The following MPPED2 variants were observed in gnomAD, a reference collection of about 807,000 sequenced individuals.
MPPED2 encodes the protein metallophosphoesterase MPPED2.
MPPED2 carries 5 observed loss-of-function variants against 33.0 expected under a neutral mutation model. The observed-to-expected ratio is 0.15, with a 90% confidence interval of 0.08 to 0.32. The LOEUF is 0.32. Among genes scored for constraint, MPPED2 ranks in the 10% least tolerant of loss-of-function variants. The pLI is 1.00. For missense variants in MPPED2, 275 were observed against 372.1 expected (o/e 0.74, Z 2.15); for synonymous variants, 136 against 141.9 (o/e 0.96, Z 0.29).
Position 30,402,596 on chromosome 11 carries a change from C to A in MPPED2, c.766+11632G>T, listed in dbSNP as rs139627723. 2.9e-3 allele frequency among the ~76,000 whole-genome samples: 440 copies of A among 152,310 alleles called. 1 individual carries two copies. The highest frequency in any genetic ancestry group is 7.0e-3 in the South Asian group (34 of 4,826). ...TAGTGATCAAAAGATGTACAGAAGT[C>A]ATACATATTGACCTGGGAAATCTAA... is the stretch of plus-strand genomic sequence containing the variant. On this transcript the variant is annotated intron_variant, in intron 6 of 6. Coordinates refer to the MPPED2 transcript ENST00000448418.
chr11:30,441,923 C>T (rs118118507), intron 4 of MPPED2, among the ~76,000 whole-genome samples: 1 of 152,270 alleles, frequency 6.6e-6, no homozygotes, highest in African/African-American at 2.4e-5. Context: ...AAGTTCCATG[C>T]GGCAGAACCC....
chr11:30,449,992 CT>C (rs1333535540), intron 4 of MPPED2, among the ~76,000 whole-genome samples: 2 of 152,112 alleles, frequency 1.3e-5, no homozygotes, highest in Non-Finnish European at 2.9e-5. Flanking sequence ...CCCAAAACCA[CT>C]TTTTTTGGTT....
At chr11:30,514,499 T>G (rs1953411834) in intron 3 of MPPED2, among the ~76,000 whole-genome samples, 1 of 152,186 alleles carries the variant, frequency 6.6e-6, no homozygotes, top group South Asian at 2.1e-4. Flanking sequence ...GAAAACTGCT[T>G]TGTGCCTGGA....
chr11:30,444,972 T>C (rs1174697516), intron 4 of MPPED2, among the ~76,000 whole-genome samples: 2 of 152,184 alleles, frequency 1.3e-5, no homozygotes, highest in Non-Finnish European at 2.9e-5. Context: ...TATGGCAATT[T>C]CTTAACAGCA....
chr11:30,431,162 G>T (rs1353884387), intron 4 of MPPED2, among the ~76,000 whole-genome samples: 3 of 152,138 alleles, frequency 2.0e-5, no homozygotes, highest in Admixed American at 6.5e-5. Flanking sequence ...CAGCGGGTTG[G>T]GGGGGATTCC....
chr11:30,520,000 G>A, intron 3 of MPPED2, among the ~76,000 whole-genome samples: 1 of 152,130 alleles, frequency 6.6e-6, no homozygotes. Context: ...ATATTTTATA[G>A]TTAGATGTCT....
chr11:30,579,235 G>A (rs535021569), intron 2 of MPPED2, among the ~76,000 whole-genome samples: 10 of 151,740 alleles, frequency 6.6e-5, no homozygotes, highest in Non-Finnish European at 1.5e-4. Context: ...TTTTTTAAAT[G>A]CTCATGTAAA....
intron 2 of MPPED2, among the ~76,000 whole-genome samples, chr11:30,546,382 G>GT (rs1391798228): frequency 6.6e-6 from 1 of 151,914 alleles, no homozygotes; most frequent in Non-Finnish European, 1.5e-5. Flanking sequence ...TGGGAGTGGG[G>GT]TTTACAAAGA....
chr11:30,499,155 T>C (rs527635987), intron 3 of MPPED2, among the ~76,000 whole-genome samples: 10 of 152,280 alleles, frequency 6.6e-5, no homozygotes, highest in African/African-American at 2.2e-4. Context: ...TCTCCAGACA[T>C]GCAAAATACC....
intron 2 of MPPED2, among the ~76,000 whole-genome samples, chr11:30,546,772 A>G (rs1238131362): frequency 6.6e-6 from 1 of 152,224 alleles, no homozygotes; most frequent in Non-Finnish European, 1.5e-5. Flanking sequence ...GAGTTTGAAG[A>G]CAAATGCTTA....
At chr11:30,534,242 G>A (rs999202966) in intron 3 of MPPED2, among the ~76,000 whole-genome samples, 1 of 152,076 alleles carries the variant, frequency 6.6e-6, no homozygotes, top group Middle Eastern at 3.2e-3. Flanking sequence ...CATTGTCAAC[G>A]CAGCTCGATA....
At chr11:30,489,051 CCTTT>C (rs1220072035) in intron 4 of MPPED2, among the ~76,000 whole-genome samples, 6 of 37,038 alleles carry the variant, frequency 1.6e-4, no homozygotes, top group Admixed American at 2.5e-4. Context: ...TTCTTCTTCT[CCTTT>C]TTTTTTTTTT....
In MPPED2 at chr11:30,410,387, C is replaced by T. The variant is rs1266674264; in HGVS notation, c.*1081G>A. On this transcript the variant is annotated 3_prime_UTR_variant, in exon 7 of 7. Coordinates refer to ENST00000358117, the MANE Select transcript of MPPED2 (RefSeq NM_001584.3). ...ATGGGAAAACAGAAATGACTATTAG[C>T]GACAATATTTTGTGCTAGCGAAGAT... 14 of 985,574 alleles carry T rather than the reference C, an allele frequency of 1.4e-5. No individual in the cohort carries two copies. Among genetic ancestry groups the T allele is most frequent in the African/African-American group, 3.5e-5 (2 of 57,182 alleles). The allele number at this position is 985,574 out of a possible 1,614,324, so 61.1% of individuals were successfully genotyped here.
chr11:30,489,974 G>C (rs1302348417), intron 4 of MPPED2, among the ~76,000 whole-genome samples: 5 of 151,870 alleles, frequency 3.3e-5, no homozygotes, highest in Non-Finnish European at 1.5e-5. Flanking sequence ...AGTCCCACGA[G>C]TAAGTTTACC....
chr11:30,509,145 A>G (rs1472851474), intron 3 of MPPED2, among the ~76,000 whole-genome samples: 1 of 152,216 alleles, frequency 6.6e-6, no homozygotes, highest in Non-Finnish European at 1.5e-5. Context: ...TGCTATTAAT[A>G]AACTAAATCT....
At chr11:30,476,669 A>G (rs1951216505) in intron 4 of MPPED2, among the ~76,000 whole-genome samples, 1 of 152,022 alleles carries the variant, frequency 6.6e-6, no homozygotes. Flanking sequence ...CTGAAATCAG[A>G]TAGTACAGTC....
At chr11:30,480,753 G>A (rs536066312) in intron 4 of MPPED2, among the ~76,000 whole-genome samples, 3 of 152,190 alleles carry the variant, frequency 2.0e-5, no homozygotes, top group Admixed American at 6.5e-5. Flanking sequence ...CTAGAGTGTC[G>A]CTATCACTAG....
chr11:30,474,279 T>C (rs748357466), intron 4 of MPPED2, among the ~76,000 whole-genome samples: 1 of 152,090 alleles, frequency 6.6e-6, no homozygotes, highest in Non-Finnish European at 1.5e-5. Flanking sequence ...GAAAAAGAGG[T>C]TGGAAGACAA....
chr11:30,577,781 G>A (rs959632418), intron 2 of MPPED2, among the ~76,000 whole-genome samples: 2 of 152,118 alleles, frequency 1.3e-5, no homozygotes, highest in Non-Finnish European at 2.9e-5. Context: ...CTGACAACAC[G>A]TACCATCATG....
Sources: allele counts gnomAD v4.1 joint callset (sites outside exome capture counted in the v4.1 genomes callset), GRCh38; gene constraint gnomAD v4.1.1; transcripts MANE v1.5; gene names NCBI Gene and HGNC (gene_info 2026-07-23, HGNC 2026-07-21).